The following PIEZO2 variants were observed in gnomAD, a reference collection of about 807,000 sequenced individuals.
PIEZO2 encodes the protein piezo-type mechanosensitive ion channel component 2.
A neutral mutation model predicts 337.3 loss-of-function variants in PIEZO2; 172 were observed. That is an observed-to-expected ratio of 0.51 (90% CI 0.45 to 0.58). The LOEUF (loss-of-function observed/expected upper bound fraction) is 0.58. PIEZO2 is among the 20% of genes least tolerant of loss of function. PIEZO2 has a pLI of 0.00. For synonymous variants in PIEZO2, 1,251 were observed against 1,228.5 expected (o/e 1.02, Z -0.38); for missense variants, 3,028 against 3,391.3 (o/e 0.89, Z 2.66).
At position 10,672,576 on chromosome 18, in the gene PIEZO2, A is replaced by G. The variant is rs2143386937; in HGVS notation, c.8345+114T>C. On this transcript the variant is annotated intron_variant, in intron 55 of 55. Coordinates refer to ENST00000674853, the MANE Select transcript of PIEZO2 (RefSeq NM_001378183.1). The surrounding 1 kb of genome is among the most constrained non-coding windows in gnomAD (Gnocchi z 4.7). ...TGCACACAAGGATGTGTGCATTTTA[A>G]TACTGCAGCTCTAAAATTAGCGAAT... The G allele has an allele frequency of 8.7e-7, 1 of 1,149,358 alleles. No individual in the cohort carries two copies. Among genetic ancestry groups the G allele is most frequent in the South Asian group, 1.5e-5 (1 of 68,636 alleles). 71.2% of individuals were successfully genotyped at this position (1,149,358 alleles called of 1,614,324 possible).
In PIEZO2 at chr18:10,757,199, G is replaced by A. The variant is rs569660864; in HGVS notation, c.3923+770C>T. On this transcript the variant is annotated intron_variant, in intron 27 of 55. Coordinates refer to ENST00000674853, the MANE Select transcript of PIEZO2 (RefSeq NM_001378183.1). ...ATACGAATGAGGGATAGAGGATGAG[G>A]AGGAGGGGTGGAGGATGAGGATGAG... 3.3e-5 allele frequency among the ~76,000 whole-genome samples: 5 copies of A among 150,530 alleles called. No individual in the cohort carries two copies. The East Asian group carries it at 7.9e-4, about 24-fold the overall frequency.
chr18:11,115,216 G>A (rs1189908229), intron 1 of PIEZO2, among the ~76,000 whole-genome samples: 2 of 152,192 alleles, frequency 1.3e-5, no homozygotes, highest in Non-Finnish European at 2.9e-5. Flanking sequence ...TATATTAAGT[G>A]TTTGGGATAA....
chr18:10,781,223 C>A lies in PIEZO2; in HGVS notation c.2493-857G>T, dbSNP rs1458532601. ...TGGTGGCTCACGCCTGTAATCCCAG[C>A]ACTTTGGGAAGTCGAGGCAGGTGGA... On this transcript the variant is annotated intron_variant, in intron 17 of 55. Transcript: ENST00000674853. This position sits in a 1 kb window ranked among gnomAD's most constrained non-coding sequence, Gnocchi z 4.1. 6.6e-6 allele frequency among the ~76,000 whole-genome samples: 1 copy of A among 152,060 alleles called. No homozygotes were observed. The highest frequency in any genetic ancestry group is 2.4e-5 in the African/African-American group (1 of 41,416).
At chr18:10,845,580 A>T (rs2144633557) in intron 7 of PIEZO2, among the ~76,000 whole-genome samples, 1 of 152,322 alleles carries the variant, frequency 6.6e-6, no homozygotes, top group Non-Finnish European at 1.5e-5. Context: ...AGTTACCAGG[A>T]TGGGTAGCCC....
chr18:10,693,671 C>T (rs1007996866), intron 47 of PIEZO2, among the ~76,000 whole-genome samples: 4 of 151,354 alleles, frequency 2.6e-5, no homozygotes, highest in Non-Finnish European at 5.9e-5. Context: ...CAACCCAATC[C>T]GGATGTCTTT....
Position 10,953,297 on chromosome 18 carries a change from A to G in PIEZO2, c.286+26238T>C, listed in dbSNP as rs1230255201. Among the ~76,000 whole-genome samples the G allele has an allele frequency of 1.3e-5, 2 of 152,124 alleles. No individual in the cohort carries two copies. The highest frequency in any genetic ancestry group is 2.9e-5 in the Non-Finnish European group (2 of 68,014). ...TTATGAGTTGTGATTTTGATGTTGTATTTAAGAAAACTTTGCCCTTCCCTA... is the reference window on the plus strand; with the variant it reads ...TTATGAGTTGTGATTTTGATGTTGTGTTTAAGAAAACTTTGCCCTTCCCTA... On this transcript the variant is annotated intron_variant, in intron 3 of 55. Coordinates refer to ENST00000674853, the MANE Select transcript of PIEZO2 (RefSeq NM_001378183.1). This position sits in a 1 kb window ranked among gnomAD's most constrained non-coding sequence, Gnocchi z 5.2.
intron 3 of PIEZO2, among the ~76,000 whole-genome samples, chr18:10,957,939 A>G (rs1443608029): frequency 6.6e-6 from 1 of 152,210 alleles, no homozygotes. Flanking sequence ...CATCAGGGAA[A>G]TGCAAATTAA....
At chr18:10,743,231 A>T (rs2037294605) in intron 31 of PIEZO2, among the ~76,000 whole-genome samples, 1 of 152,222 alleles carries the variant, frequency 6.6e-6, no homozygotes, top group African/African-American at 2.4e-5. Flanking sequence ...AATCTAATTT[A>T]TACTAAGAAA....
rs2037335091 is a variant in PIEZO2, at chr18:10,744,194, C to A, written c.4462G>T (p.Val1488Leu). The A allele has an allele frequency of 3.9e-6, 6 of 1,536,834 alleles. No homozygotes were observed. Among genetic ancestry groups the A allele is most frequent in the African/African-American group, 1.4e-5 (1 of 73,040 alleles). Residue 1488 changes from valine (V) to leucine (L), a missense_variant, in exon 31 of 56, where the codon GTA becomes TTA. By Grantham distance (32) the Val-to-Leu change is conservative. This residue lies in a region of PIEZO2 where 1,925 missense variants were observed against 2,051.9 expected (regional missense o/e 0.94). Transcript: ENST00000674853. ...ELFQATIVKA[V>L]KARIEEEKKS... ...TTCTCTTCCTCAATTCTTGCCTTTA[C>A]AGCTTTTACAATTGTGGCCTGGAAA...
At chr18:10,725,447 G>C in intron 36 of PIEZO2, 1 of 1,589,012 alleles carries the variant, frequency 6.3e-7, no homozygotes, top group South Asian at 1.1e-5. Flanking sequence ...AGGGCATGCT[G>C]TGGCATGAAA....
chr18:11,043,755 C>T (rs1442220613), intron 2 of PIEZO2, among the ~76,000 whole-genome samples: 2 of 151,980 alleles, frequency 1.3e-5, no homozygotes, highest in African/African-American at 4.8e-5. Context: ...TTGCAACCTC[C>T]GCCTCCCGGG....
At position 11,132,274 on chromosome 18, in the gene PIEZO2, A is replaced by C. The variant is rs1173125429; in HGVS notation, c.64+16251T>G. ...GGTATTCCACACCGCATTGCCTCTG[A>C]CCAAGGCACTCACTTTATGGTGAAA... is the stretch of plus-strand genomic sequence containing the variant. On this transcript the variant is annotated intron_variant, in intron 1 of 55. Coordinates refer to ENST00000674853, the MANE Select transcript of PIEZO2 (RefSeq NM_001378183.1). This position sits in a 1 kb window ranked among gnomAD's most constrained non-coding sequence, Gnocchi z 4.7. Among the ~76,000 whole-genome samples the C allele has an allele frequency of 6.6e-6, 1 of 152,146 alleles. No individual in the cohort carries two copies. The highest frequency in any genetic ancestry group is 1.5e-5 in the Non-Finnish European group (1 of 68,022).
chr18:10,769,840 A>G (rs751484695), intron 21 of PIEZO2: 5 of 236,546 alleles, frequency 2.1e-5, no homozygotes, highest in Non-Finnish European at 3.2e-5. Context: ...TGGAGAATTT[A>G]GGGAGATAGA....
At chr18:10,820,608 T>C (rs896607476) in intron 7 of PIEZO2, among the ~76,000 whole-genome samples, 24 of 152,350 alleles carry the variant, frequency 1.6e-4, no homozygotes, top group African/African-American at 5.3e-4. Flanking sequence ...AAAGCTGTTT[T>C]AAGGAGGTTT....
At chr18:10,700,453 A>G (rs2156618) in intron 43 of PIEZO2, among the ~76,000 whole-genome samples, 35,703 of 151,828 alleles carry the variant, frequency 0.24, 4,298 homozygotes, top group South Asian at 0.28. Flanking sequence ...CATTACCTCA[A>G]ATCTCATATA....
In PIEZO2 at chr18:10,969,293, A is replaced by G. The variant is rs142878963; in HGVS notation, c.286+10242T>C. Among the ~76,000 whole-genome samples the G allele has an allele frequency of 3.9e-5, 6 of 152,320 alleles. No homozygotes were observed. Among genetic ancestry groups the G allele is most frequent in the Non-Finnish European group, 7.3e-5 (5 of 68,034 alleles). On this transcript the variant is annotated intron_variant, in intron 3 of 55. Transcript: ENST00000674853. The surrounding 1 kb of genome is among the most constrained non-coding windows in gnomAD (Gnocchi z 4.5). The stretch of plus-strand genomic sequence containing the variant: ...TGCATCATGAAGCTGAGGTTAGAGA[A>G]TTTGTTATTTAAGCAAACCAAATCA...
At chr18:10,705,181 T>C (rs1229986523) in intron 41 of PIEZO2, among the ~76,000 whole-genome samples, 155 bp downstream of exon 41, 1 of 152,264 alleles carries the variant, frequency 6.6e-6, no homozygotes, top group African/African-American at 2.4e-5. Context: ...GTTTGCTTTG[T>C]ACTTGCAGTG....
intron 2 of PIEZO2, among the ~76,000 whole-genome samples, chr18:11,054,091 C>T (rs74655683): frequency 2.6e-5 from 4 of 152,218 alleles, no homozygotes; most frequent in African/African-American, 9.6e-5. Flanking sequence ...CCTGACCTGA[C>T]GTTAATTATA....
intron 2 of PIEZO2, among the ~76,000 whole-genome samples, chr18:11,057,111 A>G (rs1049095653): frequency 6.6e-6 from 1 of 151,778 alleles, no homozygotes; most frequent in African/African-American, 2.4e-5. Flanking sequence ...GGTTGCACAG[A>G]GTGCCATTTC....
Sources: gnomAD v4.1 joint callset for allele counts (sites outside exome capture counted in the v4.1 genomes callset) on GRCh38, gnomAD v4.1.1 for gene constraint, gnomAD v4.1.1 regional missense constraint, Gnocchi (gnomAD v3.1) non-coding constraint, MANE v1.5 for transcripts, NCBI Gene and HGNC (gene_info 2026-07-23, HGNC 2026-07-21) for gene names.